The following ERC2 variants were observed in gnomAD, a reference collection of about 807,000 sequenced individuals.
ERC2 encodes ERC protein 2.
A neutral mutation model predicts 114.8 loss-of-function variants in ERC2; 42 were observed. That is an observed-to-expected ratio of 0.37 (90% CI 0.29 to 0.47). The LOEUF is 0.47. Ranked by LOEUF, ERC2 falls within the 20% of genes least tolerant of loss-of-function variation. ERC2 has a pLI of 0.99. For synonymous variants in ERC2, 454 were observed against 425.5 expected (o/e 1.07, Z -0.82); for missense variants, 939 against 1,150.7 (o/e 0.82, Z 2.66).
intron 14 of ERC2, among the ~76,000 whole-genome samples, chr3:55,789,308 A>G (rs946151869): frequency 2.0e-5 from 3 of 152,224 alleles, no homozygotes; most frequent in Admixed American, 2.0e-4. Context: ...TTCCAAGTCC[A>G]TAGGGAAGCT....
At chr3:56,311,620 G>A (rs2056586082) in intron 2 of ERC2, among the ~76,000 whole-genome samples, 1 of 151,822 alleles carries the variant, frequency 6.6e-6, no homozygotes, top group Admixed American at 6.6e-5. Context: ...CTTTATGCTA[G>A]AAACATTCAA....
chr3:55,586,964 C>A (rs1336094805), intron 17 of ERC2, among the ~76,000 whole-genome samples: 1 of 152,100 alleles, frequency 6.6e-6, no homozygotes, highest in East Asian at 1.9e-4. Context: ...CATTCTATTC[C>A]CTCCCCTAGT....
At chr3:55,982,353 A>G (rs1226601009) in intron 12 of ERC2, among the ~76,000 whole-genome samples, 1 of 152,166 alleles carries the variant, frequency 6.6e-6, no homozygotes, top group East Asian at 1.9e-4. Flanking sequence ...TTTTCTTACT[A>G]ACTGTATAAA....
At chr3:55,877,012 A>C (rs1256669037) in intron 14 of ERC2, among the ~76,000 whole-genome samples, 1 of 152,222 alleles carries the variant, frequency 6.6e-6, no homozygotes, top group African/African-American at 2.4e-5. Context: ...CCATGTGAAA[A>C]TAAGTCAAGT....
chr3:56,012,013 T>C (rs1162269626), intron 8 of ERC2, among the ~76,000 whole-genome samples: 2 of 152,152 alleles, frequency 1.3e-5, no homozygotes, highest in African/African-American at 2.4e-5. Context: ...TTAAATGAAA[T>C]ATATTATTAT....
At chr3:55,586,434 C>T (rs1037434144) in intron 17 of ERC2, among the ~76,000 whole-genome samples, 97 of 152,178 alleles carry the variant, frequency 6.4e-4, no homozygotes, top group African/African-American at 2.2e-3. Flanking sequence ...AGCATCTTAC[C>T]GGATATTTCC....
Position 55,751,100 on chromosome 3 carries a change from C to T in ERC2, c.2565-16182G>A, listed in dbSNP as rs137942573. Among the ~76,000 whole-genome samples, 721 of 152,302 alleles carry T rather than the reference C, an allele frequency of 4.7e-3. 1 individual carries two copies. Among genetic ancestry groups the T allele is most frequent in the Non-Finnish European group, 7.5e-3 (507 of 68,030 alleles). ...ACATTCACGTGATTGCTGCATGTTACTATCAGGGTATGTGTGAGGAACATC... is the reference window on the plus strand; with the variant it reads ...ACATTCACGTGATTGCTGCATGTTATTATCAGGGTATGTGTGAGGAACATC... On this transcript the variant is annotated intron_variant, in intron 14 of 17. Transcript: ENST00000288221.
intron 13 of ERC2, among the ~76,000 whole-genome samples, chr3:55,941,967 A>G (rs1220310483): frequency 1.3e-5 from 2 of 152,302 alleles, no homozygotes; most frequent in African/African-American, 4.8e-5. Flanking sequence ...ATTCACAATA[A>G]CTAACTAATT....
At chr3:56,437,466 C>T (rs1040808607) in intron 1 of ERC2, among the ~76,000 whole-genome samples, 6 of 152,212 alleles carry the variant, frequency 3.9e-5, no homozygotes, top group African/African-American at 9.6e-5. Flanking sequence ...GTAACTGATG[C>T]ATTTGTCTAT....
At chr3:56,219,753 A>G (rs1167099584) in intron 3 of ERC2, among the ~76,000 whole-genome samples, 2 of 151,754 alleles carry the variant, frequency 1.3e-5, no homozygotes, top group African/African-American at 4.8e-5. Flanking sequence ...CTTGGAAACC[A>G]AGGAAGTAAG....
chr3:55,677,365 T>C (rs1420022995), intron 17 of ERC2, among the ~76,000 whole-genome samples: 2 of 152,178 alleles, frequency 1.3e-5, no homozygotes, highest in African/African-American at 4.8e-5. Context: ...GGTGTAGCTA[T>C]GGCCATAGGA....
chr3:56,161,102 T>G (rs1002767805), intron 4 of ERC2, among the ~76,000 whole-genome samples: 3 of 152,180 alleles, frequency 2.0e-5, no homozygotes, highest in Non-Finnish European at 4.4e-5. Flanking sequence ...TCTTGCTCAG[T>G]TAGCTCACAT....
intron 2 of ERC2, among the ~76,000 whole-genome samples, chr3:56,396,262 C>T (rs748121697): frequency 3.3e-5 from 5 of 152,082 alleles, no homozygotes; most frequent in Non-Finnish European, 5.9e-5. Flanking sequence ...GGAAACAAAC[C>T]AGATGTAATA....
intron 14 of ERC2, among the ~76,000 whole-genome samples, chr3:55,850,846 A>ACACACACACG (rs2061538782): frequency 4.9e-5 from 1 of 20,500 alleles, no homozygotes; most frequent in Admixed American, 8.3e-4. Context: ...TCTTTTTCAA[A>ACACACACACG]CACACACACA....
At chr3:55,835,056 G>C (rs967213865) in intron 14 of ERC2, among the ~76,000 whole-genome samples, 3 of 151,772 alleles carry the variant, frequency 2.0e-5, no homozygotes, top group African/African-American at 7.3e-5. Flanking sequence ...CCAGGAAGAA[G>C]TTGAATCTCT....
intron 13 of ERC2, among the ~76,000 whole-genome samples, chr3:55,934,282 TAA>T (rs1198900230): frequency 6.6e-6 from 1 of 152,186 alleles, no homozygotes; most frequent in African/African-American, 2.4e-5. Context: ...AGTTTAACCC[TAA>T]GAGTTTCGAG....
chr3:55,962,657 C>A (rs984996348), intron 12 of ERC2, among the ~76,000 whole-genome samples: 5 of 152,208 alleles, frequency 3.3e-5, no homozygotes, highest in Admixed American at 1.3e-4. Context: ...TTAATTCTTG[C>A]AAAGGCCTTA....
chr3:55,849,956 A>T (rs1194568988), intron 14 of ERC2, among the ~76,000 whole-genome samples: 1 of 152,234 alleles, frequency 6.6e-6, no homozygotes, highest in Non-Finnish European at 1.5e-5. Flanking sequence ...ATCATCTTAC[A>T]GTTCTGGAGG....
intron 17 of ERC2, among the ~76,000 whole-genome samples, chr3:55,619,954 GA>G (rs1559753015): frequency 6.6e-6 from 1 of 152,150 alleles, no homozygotes; most frequent in Non-Finnish European, 1.5e-5. Context: ...AGGGTTCTTT[GA>G]AGGATTGCTC....
Sources: allele counts gnomAD v4.1 joint callset (sites outside exome capture counted in the v4.1 genomes callset), GRCh38; gene constraint gnomAD v4.1.1; transcripts MANE v1.5; gene names NCBI Gene and HGNC (gene_info 2026-07-23, HGNC 2026-07-21).